ZFP64: variants seen among roughly 807,000 people sequenced by gnomAD.
The protein encoded by ZFP64 is zinc finger protein 64.
ZFP64 carries 14 observed loss-of-function variants against 51.6 expected under a neutral mutation model. The ratio of observed to expected loss-of-function variants is 0.27; its 90% CI spans 0.18 to 0.42. ZFP64 has a LOEUF of 0.42. Among genes scored for constraint, ZFP64 ranks in the 10% least tolerant of loss-of-function variants. The pLI is 1.00. For missense variants in ZFP64, 754 were observed against 906.8 expected, an observed-to-expected ratio of 0.83 and a Z score of 2.16; for synonymous variants, 375 against 361.4, an observed-to-expected ratio of 1.04 and a Z score of -0.43.
At chr20:52,186,729 T>C (rs1983992674) in intron 2 of ZFP64, 103 bp downstream of exon 2, 1 of 1,475,358 alleles carries the variant, frequency 6.8e-7, no homozygotes, top group Admixed American at 2.2e-5. Flanking sequence ...TCAGCAACCC[T>C]AGGGGGTGGG....
chr20:52,122,402 A>G (rs931281886), intron 5 of ZFP64, among the ~76,000 whole-genome samples: 1 of 149,234 alleles, frequency 6.7e-6, no homozygotes, highest in Non-Finnish European at 1.5e-5. Context: ...GCTACTCCGG[A>G]GGCTGAGGCA....
intron 2 of ZFP64, among the ~76,000 whole-genome samples, chr20:52,177,789 T>A (rs1983339591): frequency 6.6e-6 from 1 of 151,940 alleles, no homozygotes. Context: ...TCCCAACACT[T>A]TGGGAGGCTG....
intron 5 of ZFP64, among the ~76,000 whole-genome samples, chr20:52,136,948 A>C (rs1980011857): frequency 6.6e-6 from 1 of 152,110 alleles, no homozygotes. Flanking sequence ...TATTTTTAGC[A>C]GAGATGGGGT....
At chr20:52,103,616 C>T (rs894376980) in intron 5 of ZFP64, among the ~76,000 whole-genome samples, 2 of 152,198 alleles carry the variant, frequency 1.3e-5, no homozygotes, top group South Asian at 2.1e-4. Context: ...CACAGACTTT[C>T]AACTCCAGCC....
exon 9 of ZFP64, chr20:52,084,772 C>G (rs1234059062): frequency 1.9e-6 from 3 of 1,614,246 alleles, no homozygotes; most frequent in Non-Finnish European, 2.5e-6. Flanking sequence ...CTCTGCGTCA[C>G]GATCTTGGCC....
At chr20:52,174,721 A>T (rs1239889453) in intron 2 of ZFP64, among the ~76,000 whole-genome samples, 2 of 152,148 alleles carry the variant, frequency 1.3e-5, no homozygotes, top group African/African-American at 4.8e-5. Flanking sequence ...ATTGACTTTT[A>T]TGAGTAAAAC....
At chr20:52,178,123 T>C (rs1399066476) in intron 2 of ZFP64, among the ~76,000 whole-genome samples, 1 of 152,028 alleles carries the variant, frequency 6.6e-6, no homozygotes, top group African/African-American at 2.4e-5. Context: ...TGGTTCAGAT[T>C]CCCCGGACCT....
At chr20:52,168,901 GA>G (rs1400053049) in intron 2 of ZFP64, among the ~76,000 whole-genome samples, 3 of 152,198 alleles carry the variant, frequency 2.0e-5, no homozygotes, top group African/African-American at 7.2e-5. Flanking sequence ...AGAAAAATGT[GA>G]CCCACTGAAA....
intron 5 of ZFP64, among the ~76,000 whole-genome samples, chr20:52,135,957 G>A (rs902936438): frequency 6.6e-6 from 1 of 151,568 alleles, no homozygotes; most frequent in African/African-American, 2.4e-5. Context: ...AAATTAGCTG[G>A]GCATAGTGGT....
intron 2 of ZFP64, among the ~76,000 whole-genome samples, chr20:52,183,395 G>T (rs1047633488): frequency 1.3e-5 from 2 of 152,184 alleles, no homozygotes; most frequent in African/African-American, 4.8e-5. Context: ...ACTGTGAGAG[G>T]TTCTGGGATT....
At chr20:52,125,881 GTTTT>G (rs1480604556) in intron 5 of ZFP64, among the ~76,000 whole-genome samples, 1 of 151,776 alleles carries the variant, frequency 6.6e-6, no homozygotes, top group Non-Finnish European at 1.5e-5. Flanking sequence ...ACTTAACATG[GTTTT>G]TTGTTTTTTT....
intron 5 of ZFP64, among the ~76,000 whole-genome samples, 191 bp downstream of exon 5, chr20:52,159,932 G>A (rs944303546): frequency 7.2e-5 from 11 of 152,098 alleles, no homozygotes; most frequent in Non-Finnish European, 1.0e-4. Flanking sequence ...CTGAGATAGC[G>A]CCACTGCACT....
In ZFP64 at chr20:52,160,412, A is replaced by G. The variant is rs1981691632; in HGVS notation, c.512-38T>C. 1 of 1,559,470 alleles carries G rather than the reference A, an allele frequency of 6.4e-7. No individual in the cohort carries two copies. The highest frequency in any genetic ancestry group is 1.4e-5 in the African/African-American group (1 of 72,880). On this transcript the variant is annotated intron_variant, in intron 4 of 5. Transcript: ENST00000216923. This position sits in a 1 kb window ranked among gnomAD's most constrained non-coding sequence, Gnocchi z 4.2. ...ACACACACAGATGGCAGCAGGAAAC[A>G]AGATTAAAAAAGGAAAAGGCTTATT...
At chr20:52,091,650 A>C (rs2078928330) in intron 7 of ZFP64, among the ~76,000 whole-genome samples, 1 of 152,014 alleles carries the variant, frequency 6.6e-6, no homozygotes, top group African/African-American at 2.4e-5. Context: ...TTTTGTCAAA[A>C]TTAGATTACA....
At chr20:52,126,835 C>T (rs1374923250) in intron 5 of ZFP64, among the ~76,000 whole-genome samples, 1 of 151,928 alleles carries the variant, frequency 6.6e-6, no homozygotes, top group Non-Finnish European at 1.5e-5. Context: ...ATGAAAGACA[C>T]CCATATGGAG....
At chr20:52,084,463 G>A in exon 9 of ZFP64, 2 of 1,279,638 alleles carry the variant, frequency 1.6e-6, no homozygotes, top group South Asian at 1.5e-5. Flanking sequence ...CAGAAGTGGT[G>A]CCCAAAGCCT....
rs138950441 is a variant in ZFP64 at position 52,094,738 on chromosome 20, AAAAT to A, written c.976+2631_976+2634del. Among the ~76,000 whole-genome samples the A allele has an allele frequency of 2.2e-4, 33 of 151,144 alleles. 1 individual carries two copies. The highest frequency in any genetic ancestry group is 1.9e-3 in the East Asian group (10 of 5,174). ...ACAGAGCAAGAGAAGACCCTGTCTC[AAAAT>A]AAATAAATAAATAAATAAATAATAA... On this transcript the variant is annotated intron_variant, in intron 7 of 8. Coordinates refer to the ZFP64 transcript ENST00000361387.
chr20:52,164,663 G>C (rs758150527), intron 4 of ZFP64, 32 bp downstream of exon 4: 3 of 1,592,628 alleles, frequency 1.9e-6, no homozygotes, highest in Admixed American at 3.3e-5. Flanking sequence ...AGCAGGTGTT[G>C]AGGGCATATG....
At chr20:52,105,165 C>T in intron 5 of ZFP64, 1 of 1,455,484 alleles carries the variant, frequency 6.9e-7, no homozygotes, top group Non-Finnish European at 8.9e-7. Context: ...GCCACCTCCG[C>T]ACACTCCCGG....
Sources: allele counts gnomAD v4.1 joint callset (sites outside exome capture counted in the v4.1 genomes callset), GRCh38; gene constraint gnomAD v4.1.1; non-coding constraint Gnocchi (gnomAD v3.1); transcripts MANE v1.5; gene names NCBI Gene and HGNC (gene_info 2026-07-23, HGNC 2026-07-21).